The following METTL22 variants were observed in gnomAD, a reference collection of about 807,000 sequenced individuals.
METTL22 encodes the protein methyltransferase-like protein 22.
In METTL22, 51 loss-of-function variants were observed where a neutral mutation model predicts 48.4. The ratio of observed to expected loss-of-function variants is 1.05; its 90% CI spans 0.84 to 1.33. METTL22 has a LOEUF of 1.33. Ranked by LOEUF, METTL22 falls within the 40% of genes most tolerant of loss-of-function variation. The probability of loss-of-function intolerance (pLI) is 0.00; values close to 1 mark genes in which losing one functional copy is unlikely to be tolerated. For synonymous variants in METTL22, 255 were observed against 214.1 expected, an observed-to-expected ratio of 1.19 and a Z score of -1.67; for missense variants, 678 against 526.9, an observed-to-expected ratio of 1.29 and a Z score of -2.81.
At chr16:8,664,644 A>G in the METTL22 span, among the ~76,000 whole-genome samples, 1 of 151,838 alleles carries the variant, frequency 6.6e-6, no homozygotes, top group African/African-American at 2.4e-5. Context: ...GTATTTTTGT[A>G]AAGATGGGGT....
In METTL22 at chr16:8,641,182, C is replaced by G; in HGVS notation, c.824C>G (p.Thr275Arg). Residue 275 changes from threonine (T) to arginine (R), a missense_variant and splice_region_variant, in exon 7 of 11, where the codon ACA becomes AGA. By Grantham distance (71) the Thr-to-Arg change is moderately conservative. Transcript: ENST00000381920. Reference sequence around the variant, plus strand: ...GACTGGCTGAAGGACGACCTCTGCACAGGTGTGTGTTTCTCTCGGACGTCC... The same window carrying G: ...GACTGGCTGAAGGACGACCTCTGCAGAGGTGTGTGTTTCTCTCGGACGTCC... ...ELDWLKDDLC[T>R]DPKVPFSWSQ... 6.2e-7 allele frequency: 1 copy of G among 1,613,930 alleles called. No homozygotes were observed. Among genetic ancestry groups the G allele is most frequent in the Non-Finnish European group, 8.5e-7 (1 of 1,179,902 alleles).
At position 8,631,952 on chromosome 16, in the gene METTL22, C is replaced by G. The variant is rs1364628097; in HGVS notation, c.514+2842C>G. On this transcript the variant is annotated intron_variant, in intron 3 of 10. Transcript: ENST00000381920. ...CCCTATGCAGCCACCTGGACCGCGCCCGGCCCAGGGCTGACATACTGGGCA... is the reference window on the plus strand; with the variant it reads ...CCCTATGCAGCCACCTGGACCGCGCGCGGCCCAGGGCTGACATACTGGGCA... 2.0e-5 allele frequency: 3 copies of G among 152,266 alleles called. No homozygotes were observed. In the South Asian group the frequency reaches 6.2e-4, roughly 31 times the overall value. The allele number at this position is 152,266 out of a possible 1,614,324, so 9.4% of individuals were successfully genotyped here.
At chr16:8,640,246 A>G (rs1731009) in intron 6 of METTL22, among the ~76,000 whole-genome samples, 150,110 of 152,116 alleles carry the variant, frequency 0.99, 74,100 homozygotes, top group Middle Eastern at 1. Flanking sequence ...TGGAGGGAGC[A>G]TGCTGGTGGA....
chr16:8,642,244 T>C, intron 8 of METTL22, 37 bp downstream of exon 8: 1 of 1,567,686 alleles, frequency 6.4e-7, no homozygotes, highest in East Asian at 2.2e-5. Context: ...ACGTCCTTTG[T>C]TGTAGCATGA....
In METTL22 at chr16:8,648,748, T is replaced by C. The variant is rs773162579; in HGVS notation, c.*2605T>C. On this transcript the variant is annotated 3_prime_UTR_variant, in exon 11 of 11. Transcript: ENST00000381920. ...GCTGCAGTGAGCCATGACTGCACCATTGCACTCTGGCCTGGGCAACAGAGA... is the reference window on the plus strand; with the variant it reads ...GCTGCAGTGAGCCATGACTGCACCACTGCACTCTGGCCTGGGCAACAGAGA... The C allele has an allele frequency of 4.6e-5, 7 of 152,054 alleles. No individual in the cohort carries two copies. The highest frequency in any genetic ancestry group is 8.8e-5 in the Non-Finnish European group (6 of 68,056). 9.4% of individuals were successfully genotyped at this position (152,054 alleles called of 1,614,324 possible).
chr16:8,658,678 T>A, the METTL22 span, among the ~76,000 whole-genome samples: 1 of 152,234 alleles, frequency 6.6e-6, no homozygotes, highest in African/African-American at 2.4e-5. Context: ...TACCGAAAGA[T>A]CTTCCTGCTA....
chr16:8,628,837 G>C lies in METTL22; in HGVS notation c.241G>C (p.Glu81Gln). Residue 81 changes from glutamate (E) to glutamine (Q), a missense_variant, in exon 3 of 11, where the codon GAG becomes CAG. Glu to Gln is a conservative substitution (Grantham distance 29). Transcript: ENST00000381920. Reference protein sequence around the residue: ...DVHTKEPPSAETGSTGSPPGS... With the variant: ...DVHTKEPPSAQTGSTGSPPGS... ...TCACACAAAGGAGCCTCCTTCTGCT[G>C]AGACAGGCAGCACAGGGTCCCCTCC... 3 of 1,614,172 alleles carry C rather than the reference G, an allele frequency of 1.9e-6. No homozygotes were observed. Among genetic ancestry groups the C allele is most frequent in the Non-Finnish European group, 1.7e-6 (2 of 1,180,036 alleles).
At chr16:8,643,354 A>G (rs1485482727) in intron 9 of METTL22, among the ~76,000 whole-genome samples, 3 of 152,240 alleles carry the variant, frequency 2.0e-5, no homozygotes, top group African/African-American at 7.2e-5. Flanking sequence ...ACTGTAAAGG[A>G]AAAACATCAG....
At chr16:8,630,037 C>T (rs529095387) in intron 3 of METTL22, among the ~76,000 whole-genome samples, 17 of 152,020 alleles carry the variant, frequency 1.1e-4, no homozygotes, top group African/African-American at 3.1e-4. Flanking sequence ...ATTTGGGGAG[C>T]GGAGCTGTGA....
intron 6 of METTL22, chr16:8,639,527 A>G: frequency 4.3e-6 from 1 of 232,486 alleles, no homozygotes; most frequent in Non-Finnish European, 8.6e-6. Flanking sequence ...GCTGCTGAAA[A>G]CCTCCCAGGG....
chr16:8,622,825 C>G (rs2055901092), intron 1 of METTL22, among the ~76,000 whole-genome samples: 1 of 152,208 alleles, frequency 6.6e-6, no homozygotes, highest in African/African-American at 2.4e-5. Flanking sequence ...TCTCCTTCAT[C>G]TGGAACTTAC....
the METTL22 span, among the ~76,000 whole-genome samples, chr16:8,660,739 T>A: frequency 7.0e-6 from 1 of 142,662 alleles, no homozygotes; most frequent in Non-Finnish European, 1.5e-5. Context: ...GGGCGGTCGC[T>A]GCTTCAGGTG....
At chr16:8,641,616 G>A (rs2056620797) in intron 7 of METTL22, 2 of 397,142 alleles carry the variant, frequency 5.0e-6, no homozygotes, top group African/African-American at 2.1e-5. Context: ...AGACCTGGGT[G>A]CTTGCTCTTT....
intron 3 of METTL22, among the ~76,000 whole-genome samples, chr16:8,634,461 G>A (rs1436950613): frequency 6.6e-6 from 1 of 151,832 alleles, no homozygotes; most frequent in Non-Finnish European, 1.5e-5. Flanking sequence ...TCCTATTAGG[G>A]TATATTATAA....
intron 7 of METTL22, chr16:8,641,515 A>T: frequency 1.9e-6 from 1 of 520,736 alleles, no homozygotes; most frequent in South Asian, 1.5e-5. Context: ...AGTTTGTCAG[A>T]CTCTGGGGCA....
the METTL22 span, among the ~76,000 whole-genome samples, chr16:8,665,822 C>T: frequency 1.3e-5 from 2 of 152,186 alleles, no homozygotes; most frequent in South Asian, 4.1e-4. Flanking sequence ...GAGCCTGAGG[C>T]CTGCATGTAG....
chr16:8,656,965 C>T, the METTL22 span, among the ~76,000 whole-genome samples: 2 of 152,234 alleles, frequency 1.3e-5, no homozygotes, highest in African/African-American at 4.8e-5. Context: ...AAGGAACCCA[C>T]TCCCGAGAAG....
At position 8,647,721 on chromosome 16, in the gene METTL22, C is replaced by T. The variant is rs933948059; in HGVS notation, c.*1578C>T. On this transcript the variant is annotated 3_prime_UTR_variant, in exon 11 of 11. Coordinates refer to ENST00000381920, the MANE Select transcript of METTL22 (RefSeq NM_024109.4). Reference sequence around the variant, plus strand: ...GAGAAGAAAAACGGTCTCAGCTGAACCTGTAGTGAGAGCATGCAGGAGAGT... The same window carrying T: ...GAGAAGAAAAACGGTCTCAGCTGAATCTGTAGTGAGAGCATGCAGGAGAGT... The T allele has an allele frequency of 6.6e-6, 1 of 152,234 alleles. No individual in the cohort carries two copies. The highest frequency in any genetic ancestry group is 2.4e-5 in the African/African-American group (1 of 41,448). 9.4% of individuals were successfully genotyped at this position (152,234 alleles called of 1,614,324 possible). A position where few individuals can be genotyped will look rare whatever the true frequency, so the allele number is the denominator to read the frequency against.
At chr16:8,656,715 A>G in the METTL22 span, among the ~76,000 whole-genome samples, 8 of 152,260 alleles carry the variant, frequency 5.3e-5, no homozygotes, top group Admixed American at 1.3e-4. Context: ...CTGACAACCC[A>G]GGAAGCTGTC....
Sources: gnomAD v4.1 joint callset for allele counts (sites outside exome capture counted in the v4.1 genomes callset) on GRCh38, gnomAD v4.1.1 for gene constraint, MANE v1.5 for transcripts, NCBI Gene and HGNC (gene_info 2026-07-23, HGNC 2026-07-21) for gene names.